ZNF385D: variants seen among roughly 807,000 people sequenced by gnomAD.
ZNF385D encodes the protein zinc finger protein 659.
A neutral mutation model predicts 35.8 loss-of-function variants in ZNF385D; 15 were observed. The observed-to-expected ratio is 0.42, with a 90% CI of 0.28 to 0.64. The LOEUF is 0.64. ZNF385D is among the 30% of genes least tolerant of loss of function. The pLI is 0.23. For synonymous variants in ZNF385D, 212 were observed against 186.8 expected (o/e 1.13, Z -1.10); for missense variants, 474 against 494.6 (o/e 0.96, Z 0.39).
chr3:21,770,177 G>T lies in ZNF385D; in HGVS notation c.326-105149C>A, dbSNP rs546627379. On this transcript the variant is annotated intron_variant, in intron 3 of 5. Transcript: ENST00000494108. ...AATATCATTCAGGACATAGGCATGC[G>T]CAAGGACTTCATGTCTAAAACACCA... Among the ~76,000 whole-genome samples, 5 of 152,214 alleles carry T rather than the reference G, an allele frequency of 3.3e-5. No individual in the cohort carries two copies. In the East Asian group the frequency reaches 7.7e-4, roughly 24 times the overall value.
intron 2 of ZNF385D, among the ~76,000 whole-genome samples, chr3:21,628,148 T>C (rs1424765363): frequency 1.3e-5 from 2 of 152,036 alleles, no homozygotes; most frequent in African/African-American, 4.8e-5. Context: ...TTCAAAAGCA[T>C]GGAGGGTGGT....
At chr3:21,767,379 T>C (rs202093641) in intron 3 of ZNF385D, among the ~76,000 whole-genome samples, 9 of 47,346 alleles carry the variant, frequency 1.9e-4, no homozygotes, top group East Asian at 1.2e-3. Context: ...TTACTCATTC[T>C]TTTTTTTCCA....
intron 2 of ZNF385D, among the ~76,000 whole-genome samples, chr3:22,263,899 A>C (rs999655284): frequency 2.6e-5 from 4 of 152,026 alleles, no homozygotes; most frequent in Non-Finnish European, 5.9e-5. Flanking sequence ...ACTGACAAAA[A>C]AGTCAATAGT....
chr3:21,788,330 T>C (rs1186407782), intron 3 of ZNF385D, among the ~76,000 whole-genome samples: 3 of 151,980 alleles, frequency 2.0e-5, no homozygotes, highest in Non-Finnish European at 4.4e-5. Flanking sequence ...AATACAAAAT[T>C]AGCCGGGCTT....
At chr3:21,949,648 C>G (rs1428929503) in intron 3 of ZNF385D, among the ~76,000 whole-genome samples, 2 of 149,474 alleles carry the variant, frequency 1.3e-5, no homozygotes, top group African/African-American at 4.9e-5. Context: ...CTGTGGTTTG[C>G]TGCACCCATC....
At chr3:22,233,427 A>T (rs772511705) in intron 2 of ZNF385D, among the ~76,000 whole-genome samples, 3 of 152,216 alleles carry the variant, frequency 2.0e-5, no homozygotes, top group Non-Finnish European at 4.4e-5. Context: ...ACAAGTGAGG[A>T]GATTAAATTG....
intron 3 of ZNF385D, among the ~76,000 whole-genome samples, chr3:21,893,885 T>C (rs1461238219): frequency 1.3e-5 from 2 of 152,214 alleles, no homozygotes; most frequent in Admixed American, 1.3e-4. Flanking sequence ...TTTTAAATTT[T>C]ATCTTGCAAA....
chr3:22,087,152 C>G (rs1357128389), intron 3 of ZNF385D, among the ~76,000 whole-genome samples: 1 of 152,034 alleles, frequency 6.6e-6, no homozygotes, highest in South Asian at 2.1e-4. Context: ...TTTTTTGAAA[C>G]AGCATTATTT....
intron 3 of ZNF385D, among the ~76,000 whole-genome samples, chr3:21,874,200 G>C (rs979208542): frequency 2.7e-4 from 41 of 151,814 alleles, no homozygotes; most frequent in African/African-American, 9.2e-4. Flanking sequence ...ATCCTAACAA[G>C]TGTAAACAAT....
chr3:21,725,530 T>C (rs1387326025), intron 1 of ZNF385D, among the ~76,000 whole-genome samples: 1 of 152,108 alleles, frequency 6.6e-6, no homozygotes, highest in Non-Finnish European at 1.5e-5. Flanking sequence ...AAATACAAAC[T>C]ACCATCAGAG....
chr3:22,081,277 T>C (rs1462172672), intron 3 of ZNF385D, among the ~76,000 whole-genome samples: 7 of 152,182 alleles, frequency 4.6e-5, no homozygotes, highest in Non-Finnish European at 1.0e-4. Flanking sequence ...TAATTTCAAA[T>C]ACTGGGAGCT....
chr3:22,265,968 A>G (rs1308597617), intron 2 of ZNF385D, among the ~76,000 whole-genome samples: 3 of 151,912 alleles, frequency 2.0e-5, no homozygotes, highest in African/African-American at 4.8e-5. Context: ...TGATTAAAAT[A>G]TGCTGTCTCT....
At chr3:22,065,593 A>G (rs1469100654) in intron 3 of ZNF385D, among the ~76,000 whole-genome samples, 1 of 152,130 alleles carries the variant, frequency 6.6e-6, no homozygotes, top group African/African-American at 2.4e-5. Context: ...GCATGGTGAA[A>G]AGATCAATTT....
At chr3:21,628,354 C>T (rs2065190513) in intron 2 of ZNF385D, among the ~76,000 whole-genome samples, 1 of 152,082 alleles carries the variant, frequency 6.6e-6, no homozygotes, top group Non-Finnish European at 1.5e-5. Context: ...AGGGAGAAAA[C>T]ATTAACTAAC....
chr3:21,556,294 G>A (rs898288286), intron 3 of ZNF385D, among the ~76,000 whole-genome samples: 2 of 151,946 alleles, frequency 1.3e-5, no homozygotes, highest in African/African-American at 4.8e-5. Context: ...TGAAGTCCTT[G>A]CCCATGCTTA....
intron 3 of ZNF385D, among the ~76,000 whole-genome samples, chr3:22,045,198 C>A (rs1252646097): frequency 6.6e-6 from 1 of 151,904 alleles, no homozygotes; most frequent in African/African-American, 2.4e-5. Context: ...TATCATGGGG[C>A]TTTCCTCTAG....
At chr3:22,318,746 A>G (rs968090581) in intron 2 of ZNF385D, among the ~76,000 whole-genome samples, 5 of 152,230 alleles carry the variant, frequency 3.3e-5, no homozygotes, top group Admixed American at 1.3e-4. Context: ...AACCCAGAGT[A>G]TACTGGAATG....
At chr3:22,279,228 C>T (rs1033759060) in intron 2 of ZNF385D, among the ~76,000 whole-genome samples, 1 of 151,980 alleles carries the variant, frequency 6.6e-6, no homozygotes, top group South Asian at 2.1e-4. Context: ...GTGCACTATA[C>T]CCAATGTGTA....
intron 3 of ZNF385D, among the ~76,000 whole-genome samples, chr3:21,968,835 A>G (rs1392532615): frequency 1.3e-5 from 2 of 152,164 alleles, no homozygotes; most frequent in Non-Finnish European, 1.5e-5. Context: ...TGCTTAAGGA[A>G]AGGAGAAAAA....
Sources: gnomAD v4.1 joint callset for allele counts (sites outside exome capture counted in the v4.1 genomes callset) on GRCh38, gnomAD v4.1.1 for gene constraint, MANE v1.5 for transcripts, NCBI Gene and HGNC (gene_info 2026-07-23, HGNC 2026-07-21) for gene names.